Variants in PCDHA1 observed in about 807,000 individuals in gnomAD.
PCDHA1 encodes the protein protocadherin alpha 1.
In PCDHA1, 42 loss-of-function variants were observed where a neutral mutation model predicts 61.3. That is an observed-to-expected ratio of 0.69 (90% CI 0.54 to 0.89). The LOEUF (loss-of-function observed/expected upper bound fraction) is 0.89, where lower values mean the gene tolerates loss of function less well. Among genes scored for constraint, PCDHA1 ranks in the 40% least tolerant of loss-of-function variants. The pLI, the probability that PCDHA1 is intolerant of heterozygous loss-of-function variation, is 0.00. For missense variants in PCDHA1, 1,256 were observed against 1,235.3 expected, an observed-to-expected ratio of 1.02 and a Z score of -0.25; for synonymous variants, 610 against 553.8, an observed-to-expected ratio of 1.10 and a Z score of -1.43.
intron 1 of PCDHA1, among the ~76,000 whole-genome samples, chr5:140,973,118 G>T (rs1554234897): frequency 1.3e-5 from 2 of 152,168 alleles, no homozygotes; most frequent in Non-Finnish European, 2.9e-5. Context: ...TAGCAGAGAT[G>T]AATTAAGTTT....
At chr5:140,972,983 AGATTCTGTGCATTTGT>A (rs1169514447) in intron 1 of PCDHA1, among the ~76,000 whole-genome samples, 1 of 152,102 alleles carries the variant, frequency 6.6e-6, no homozygotes, top group Admixed American at 6.6e-5. Flanking sequence ...ATCTTAAGGT[AGATTCTGTGCATTTGT>A]GGTCGTGGTG....
intron 1 of PCDHA1, among the ~76,000 whole-genome samples, chr5:140,933,309 A>G (rs183796217): frequency 4.7e-4 from 72 of 152,092 alleles, no homozygotes; most frequent in Middle Eastern, 6.8e-3. Context: ...TAAATATGCA[A>G]TCTCGTATTC....
chr5:140,828,163 G>A (rs1244863106), intron 1 of PCDHA1: 8 of 1,614,068 alleles, frequency 5.0e-6, no homozygotes, highest in African/African-American at 1.3e-5. Context: ...TCGCAGCCTG[G>A]AAGGTGGGGA....
chr5:140,860,192 C>CATATATATATATATATATATATAT (rs143984774), intron 1 of PCDHA1: 72 of 146,840 alleles, frequency 4.9e-4, no homozygotes, highest in Middle Eastern at 3.6e-3. Context: ...GCTCTCCTTA[C>CATATATATATATATATATATATAT]ATATATATCT....
At chr5:140,840,421 C>G (rs2150306670) in intron 1 of PCDHA1, among the ~76,000 whole-genome samples, 4 of 151,870 alleles carry the variant, frequency 2.6e-5, no homozygotes, top group Non-Finnish European at 5.9e-5. Flanking sequence ...AAATAATAGG[C>G]TAGTTTAAAG....
intron 1 of PCDHA1, chr5:140,927,167 C>A (rs782612848): frequency 6.2e-7 from 1 of 1,614,164 alleles, no homozygotes; most frequent in Admixed American, 1.7e-5. Context: ...GCCAAAGCTG[C>A]CTGCGTCTTG....
At chr5:140,800,940 T>A in intron 1 of PCDHA1, 1 of 1,006,204 alleles carries the variant, frequency 9.9e-7, no homozygotes, top group East Asian at 3.4e-5. Flanking sequence ...TTTGGGAAAG[T>A]TCAAACGACA....
Position 140,829,043 on chromosome 5 carries a change from A to G in PCDHA1, c.2394+40359A>G, listed in dbSNP as rs2150162079. On this transcript the variant is annotated intron_variant, in intron 1 of 3. Transcript: ENST00000504120. ...TTTTGAACAAGAAAACTTATACAAA[A>G]TCCTCATTGACGCCACGGACAAAGG... 5 of 1,613,038 alleles carry G rather than the reference A, an allele frequency of 3.1e-6. No homozygotes were observed. In the African/African-American group the frequency reaches 6.7e-5, roughly 22 times the overall value.
At chr5:140,973,088 A>G (rs2096571573) in intron 1 of PCDHA1, among the ~76,000 whole-genome samples, 4 of 152,204 alleles carry the variant, frequency 2.6e-5, no homozygotes, top group African/African-American at 7.2e-5. Flanking sequence ...CTGGCACAAC[A>G]TGTAGAAATT....
chr5:140,875,531 T>G, intron 1 of PCDHA1: 1 of 1,614,100 alleles, frequency 6.2e-7, no homozygotes. Flanking sequence ...TCGCTTCTGC[T>G]CCTTGCAGCC....
intron 1 of PCDHA1, among the ~76,000 whole-genome samples, chr5:140,964,965 G>GA (rs1296818132): frequency 6.6e-6 from 1 of 152,204 alleles, no homozygotes; most frequent in Non-Finnish European, 1.5e-5. Context: ...TTGGTGGAAC[G>GA]AAGGGATGTG....
intron 1 of PCDHA1, chr5:140,829,475 G>A: frequency 4.3e-6 from 7 of 1,613,854 alleles, no homozygotes; most frequent in Non-Finnish European, 5.9e-6. Context: ...CGAGTACACA[G>A]TGTTCGTGAA....
At chr5:141,004,573 G>A (rs2098171340) in intron 3 of PCDHA1, among the ~76,000 whole-genome samples, 1 of 152,220 alleles carries the variant, frequency 6.6e-6, no homozygotes, top group South Asian at 2.1e-4. Context: ...ATATCTCTGT[G>A]TTCTGCATCT....
rs782630846 is a variant in PCDHA1 at position 140,787,604 on chromosome 5, G to C, written c.1314G>C (p.Thr438=). 7 of 1,614,080 alleles carry C rather than the reference G, an allele frequency of 4.3e-6. No homozygotes were observed. The highest frequency in any genetic ancestry group is 1.7e-5 in the Admixed American group (1 of 60,014). Residue 438 remains threonine (T), a synonymous_variant, in exon 1 of 4, where the codon ACG becomes ACC. Coordinates refer to ENST00000504120, the MANE Select transcript of PCDHA1 (RefSeq NM_018900.4). ...GGGGCTCGCCTTCGCTGTGGGCCAC[G>C]GCCAGGGTGTCCGTGGAGGTGGCCG... ...RDGGSPSLWA[T]ARVSVEVADV...
chr5:140,987,075 G>C (rs564788093), intron 3 of PCDHA1, among the ~76,000 whole-genome samples: 1 of 152,006 alleles, frequency 6.6e-6, no homozygotes, highest in Admixed American at 6.5e-5. Context: ...TGAGCTGGGC[G>C]TGGTGGCAGG....
intron 1 of PCDHA1, chr5:140,929,315 T>C: frequency 6.4e-7 from 1 of 1,559,382 alleles, no homozygotes; most frequent in African/African-American, 1.4e-5. Context: ...CACGCTAATG[T>C]CAATGCCATG....
chr5:140,838,562 T>C (rs893171521), intron 1 of PCDHA1, among the ~76,000 whole-genome samples: 4 of 152,018 alleles, frequency 2.6e-5, no homozygotes, highest in Non-Finnish European at 5.9e-5. Flanking sequence ...CATCCAGTAC[T>C]GTATTAGGGA....
intron 1 of PCDHA1, chr5:140,828,952 C>T (rs1202172240): frequency 4.5e-5 from 72 of 1,613,992 alleles, no homozygotes; most frequent in Admixed American, 1.5e-4. Context: ...TTGTTGCAGC[C>T]ATGGTTATTG....
Position 140,843,293 on chromosome 5 carries a change from G to C in PCDHA1, c.2394+54609G>C. ...CCTGGTGAAGGATCATGGTGAACCT[G>C]CGCTGACCGCCACGGCCACGGTTCT... On this transcript the variant is annotated intron_variant, in intron 1 of 3. Transcript: ENST00000504120. 17 of 1,595,972 alleles carry C rather than the reference G, an allele frequency of 1.1e-5. 4 individuals are homozygous for C. The highest frequency in any genetic ancestry group is 1.5e-5 in the Non-Finnish European group (17 of 1,165,570).
Sources: gnomAD v4.1 joint callset for allele counts (sites outside exome capture counted in the v4.1 genomes callset) on GRCh38, gnomAD v4.1.1 for gene constraint, MANE v1.5 for transcripts, NCBI Gene and HGNC (gene_info 2026-07-23, HGNC 2026-07-21) for gene names.